ATP1A4: variants seen among roughly 807,000 people sequenced by gnomAD.
ATP1A4 encodes sodium/potassium-transporting ATPase subunit alpha-4.
Under a neutral mutation model 114.3 loss-of-function variants are expected in ATP1A4, and 90 were observed. The ratio of observed to expected loss-of-function variants is 0.79; its 90% CI spans 0.66 to 0.94. The LOEUF is 0.94. ATP1A4 is among the 40% of genes least tolerant of loss of function. The pLI, the probability that ATP1A4 is intolerant of heterozygous loss-of-function variation, is 0.00. For missense variants in ATP1A4, 1,222 were observed against 1,313.6 expected (o/e 0.93, Z 1.08); for synonymous variants, 511 against 494.1 (o/e 1.03, Z -0.45).
chr1:160,178,065 T>G (rs1243923328), intron 18 of ATP1A4, among the ~76,000 whole-genome samples: 1 of 152,182 alleles, frequency 6.6e-6, no homozygotes, highest in Admixed American at 6.5e-5. Flanking sequence ...TGATATGATT[T>G]AAAATTTGAG....
chr1:160,169,099 G>A (rs1163865244), intron 10 of ATP1A4, among the ~76,000 whole-genome samples: 3 of 152,216 alleles, frequency 2.0e-5, no homozygotes, highest in African/African-American at 7.2e-5. Flanking sequence ...GTGGTTCACC[G>A]AGTGTGACAG....
In ATP1A4 at chr1:160,167,348, C is replaced by T. The variant is rs757229274; in HGVS notation, c.1427C>T (p.Ala476Val). ...KFIEQSYSSV[A>V]EMREKNPKVA... ...ATCGAGCAGTCTTACAGCTCTGTGG[C>T]GGAGATGAGAGAGAAAAACCCCAAG... The change falls in exon 10 of 22, where the codon GCG becomes GTG. Residue 476 changes from alanine (A) to valine (V), a missense_variant. By Grantham distance (64) the Ala-to-Val change is moderately conservative (BLOSUM62 0). Transcript: ENST00000368081. The T allele has an allele frequency of 3.5e-5, 57 of 1,611,882 alleles. No homozygotes were observed. The highest frequency in any genetic ancestry group is 3.3e-4 in the Middle Eastern group (2 of 6,070).
intron 10 of ATP1A4, 158 bp downstream of exon 10, chr1:160,167,570 G>T: frequency 9.9e-7 from 1 of 1,010,916 alleles, no homozygotes; most frequent in East Asian, 2.5e-5. Context: ...TCAAGAGAAC[G>T]TGACAAACAG....
chr1:160,168,113 G>A (rs1481316523), intron 10 of ATP1A4, among the ~76,000 whole-genome samples: 1 of 152,186 alleles, frequency 6.6e-6, no homozygotes, highest in Non-Finnish European at 1.5e-5. Context: ...TGCTGAGTGA[G>A]GGACCATGAA....
In ATP1A4 at chr1:160,166,845, G is replaced by A; in HGVS notation, c.1246+119G>A. 4.0e-6 allele frequency: 6 copies of A among 1,511,496 alleles called. No homozygotes were observed. In the South Asian group the frequency reaches 7.1e-5, roughly 18 times the overall value. The allele number at this position is 1,511,496 out of a possible 1,614,324, so 93.6% of individuals were successfully genotyped here. On this transcript the variant is annotated intron_variant, in intron 8 of 21. Coordinates refer to ENST00000368081, the MANE Select transcript of ATP1A4 (RefSeq NM_144699.4). Reference sequence around the variant, plus strand: ...GAGCCTGAAAGTGGAGTGGAGAAGAGGGAGGTGTGAAGGAAAAGAAATGCT... The same window carrying A: ...GAGCCTGAAAGTGGAGTGGAGAAGAAGGAGGTGTGAAGGAAAAGAAATGCT...
At chr1:160,184,911 C>T (rs1052701950) in intron 20 of ATP1A4, among the ~76,000 whole-genome samples, 4 of 152,068 alleles carry the variant, frequency 2.6e-5, no homozygotes, top group Non-Finnish European at 5.9e-5. Flanking sequence ...ATATATTCGC[C>T]GACAAAGTAT....
chr1:160,171,698 G>C lies in ATP1A4; in HGVS notation c.1795G>C (p.Asp599His). 1 of 1,614,094 alleles carries C rather than the reference G, an allele frequency of 6.2e-7. No homozygotes were observed. Among genetic ancestry groups the C allele is most frequent in the Non-Finnish European group, 8.5e-7 (1 of 1,180,020 alleles). Residue 599 changes from aspartate (D) to histidine (H), a missense_variant, in exon 12 of 22, where the codon GAC (aspartate) becomes CAC (histidine). Physicochemically the swap from Asp to His is moderately conservative, Grantham distance 81 (BLOSUM62 -1). Transcript: ENST00000368081. ...TTTTGTGGGCCTCATATCCATGATT[G>C]ACCCTCCCCGAGCTGCAGTGCCTGA... ...LCFVGLISMI[D>H]PPRAAVPDAV...
At chr1:160,167,532 C>G in intron 10 of ATP1A4, 120 bp downstream of exon 10, 1 of 1,351,302 alleles carries the variant, frequency 7.4e-7, no homozygotes, top group Non-Finnish European at 1.0e-6. Context: ...TCAGCAGAAC[C>G]TGCATCCCAA....
rs1456405731 is a variant in ATP1A4, at chr1:160,173,966, C to T, written c.1992-145C>T. 7 of 1,100,554 alleles carry T rather than the reference C, an allele frequency of 6.4e-6. No individual in the cohort carries two copies. The Admixed American group carries it at 1.4e-4, about 22-fold the overall frequency. 68.2% of individuals were successfully genotyped at this position (1,100,554 alleles called of 1,614,324 possible). On this transcript the variant is annotated intron_variant, in intron 13 of 21. Coordinates refer to ENST00000368081, the MANE Select transcript of ATP1A4 (RefSeq NM_144699.4). ...AGTGTGGGGAGGGAATAGGATGTGT[C>T]AATTTGGGGACAATATAGGGCTAGG...
intron 1 of ATP1A4, among the ~76,000 whole-genome samples, chr1:160,152,585 T>C (rs1240853772): frequency 6.6e-6 from 1 of 152,204 alleles, no homozygotes; most frequent in Non-Finnish European, 1.5e-5. Context: ...TGGTATTCCC[T>C]GGACCTTTGC....
chr1:160,181,864 G>A, intron 19 of ATP1A4, 50 bp downstream of exon 19: 2 of 1,613,710 alleles, frequency 1.2e-6, no homozygotes, highest in East Asian at 2.2e-5. Flanking sequence ...CCACACACCA[G>A]GACATGCCAT....
At chr1:160,177,703 G>A (rs371854652) in intron 18 of ATP1A4, 39 bp downstream of exon 18, 19 of 1,610,018 alleles carry the variant, frequency 1.2e-5, no homozygotes, top group Non-Finnish European at 1.6e-5. Flanking sequence ...AGACCAGTAA[G>A]AGTGAGAGTG....
chr1:160,185,448 TCTCCA>T (rs1395681683), intron 20 of ATP1A4, among the ~76,000 whole-genome samples: 1 of 151,816 alleles, frequency 6.6e-6, no homozygotes, highest in Non-Finnish European at 1.5e-5. Flanking sequence ...GTGCCTCTCC[TCTCCA>T]CTCCCGATCA....
rs1653887581 is a variant in ATP1A4, at chr1:160,186,204, T to C, written c.2970-72T>C. ...CAAGCAATGAAACGTGCAATTCCTG[T>C]GCATTGCCCTCTGCACCTGTCCTCT... is the stretch of plus-strand genomic sequence containing the variant. On this transcript the variant is annotated intron_variant, in intron 20 of 21. Transcript: ENST00000368081. 6.0e-6 allele frequency: 6 copies of C among 1,003,224 alleles called. No individual in the cohort carries two copies. The Admixed American group carries it at 1.0e-4, about 17-fold the overall frequency. 62.1% of individuals were successfully genotyped at this position (1,003,224 alleles called of 1,614,324 possible).
At chr1:160,168,321 G>A (rs1653113790) in intron 10 of ATP1A4, among the ~76,000 whole-genome samples, 1 of 151,314 alleles carries the variant, frequency 6.6e-6, no homozygotes, top group Non-Finnish European at 1.5e-5. Flanking sequence ...AGACATTCAG[G>A]TGTGGGTAAA....
At chr1:160,177,704 A>C (rs1211153656) in intron 18 of ATP1A4, 40 bp downstream of exon 18, 1 of 1,610,226 alleles carries the variant, frequency 6.2e-7, no homozygotes, top group Non-Finnish European at 8.5e-7. Context: ...GACCAGTAAG[A>C]GTGAGAGTGA....
rs776607820 is a variant in ATP1A4 at position 160,177,644 on chromosome 1, G to C, written c.2716G>C (p.Asp906His). ...WEDKYLNDLEDSYGQQWTYEQ... is the reference protein window; with the variant it reads ...WEDKYLNDLEHSYGQQWTYEQ... Reference sequence around the variant, plus strand: ...AGATAAATACTTGAATGACCTGGAGGACAGCTACGGACAGCAGTGGGTGAG... The same window carrying C: ...AGATAAATACTTGAATGACCTGGAGCACAGCTACGGACAGCAGTGGGTGAG... Residue 906 changes from aspartate to histidine, a missense_variant, in exon 18 of 22, where the codon GAC (aspartate) becomes CAC (histidine). Asp to His is a moderately conservative substitution (Grantham distance 81). Transcript: ENST00000368081. The C allele has an allele frequency of 1.9e-6, 3 of 1,614,084 alleles. No homozygotes were observed. The East Asian group carries it at 6.7e-5, about 36-fold the overall frequency.
Position 160,167,413 on chromosome 1 carries a change from G to A in ATP1A4, c.1491+1G>A. 6.2e-7 allele frequency: 1 copy of A among 1,611,188 alleles called. No homozygotes were observed. ...CTTTAATTCTACCAACAAGTACCAGGTACAGAACCCACAAAGGTAGGAGAA... is the reference window on the plus strand; with the variant it reads ...CTTTAATTCTACCAACAAGTACCAGATACAGAACCCACAAAGGTAGGAGAA... On this transcript the variant is annotated splice_donor_variant, in intron 10 of 21. Transcript: ENST00000368081. LOFTEE classifies it high-confidence loss of function.
rs553268362 is a variant in ATP1A4 at position 160,176,204 on chromosome 1, G to T, written c.2424G>T (p.Leu808=). The T allele has an allele frequency of 3.1e-6, 5 of 1,614,028 alleles. No individual in the cohort carries two copies. The South Asian group carries it at 5.5e-5, about 18-fold the overall frequency. Residue 808 remains leucine (L), a synonymous_variant, in exon 16 of 22, where the codon CTG becomes CTT. Coordinates refer to ENST00000368081, the MANE Select transcript of ATP1A4 (RefSeq NM_144699.4). ...TCATCCTCGGTATACCCCTGCCTCT[G>T]GGAACCATAACCATCCTCTGCATTG... ...MFIILGIPLP[L]GTITILCIDL...
Sources: allele counts gnomAD v4.1 joint callset (sites outside exome capture counted in the v4.1 genomes callset), GRCh38; gene constraint gnomAD v4.1.1; transcripts MANE v1.5; gene names NCBI Gene and HGNC (gene_info 2026-07-23, HGNC 2026-07-21).